The following FGF9 variants were observed in gnomAD, a reference collection of about 807,000 sequenced individuals.
FGF9 encodes fibroblast growth factor 9 (glia-activating factor).
Under a neutral mutation model 19.9 loss-of-function variants are expected in FGF9, and 3 were observed. The ratio of observed to expected loss-of-function variants is 0.15; its 90% CI spans 0.07 to 0.39. FGF9 has a LOEUF of 0.39. Ranked by LOEUF, FGF9 falls within the 10% of genes least tolerant of loss-of-function variation. The probability of loss-of-function intolerance (pLI) is 1.00; values close to 1 mark genes in which losing one functional copy is unlikely to be tolerated. For synonymous variants in FGF9, 107 were observed against 106.9 expected (o/e 1.00, Z -0.01); for missense variants, 175 against 256.8 (o/e 0.68, Z 2.18).
intron 2 of FGF9, among the ~76,000 whole-genome samples, chr13:21,685,658 G>T (rs1386364890): frequency 2.0e-5 from 3 of 152,222 alleles, no homozygotes; most frequent in African/African-American, 7.2e-5. Flanking sequence ...ACTGTGATGA[G>T]TGCAAAGCAA....
intron 2 of FGF9, among the ~76,000 whole-genome samples, 178 bp from the exon 3 acceptor site, chr13:21,701,012 T>A (rs1046897405): frequency 6.6e-6 from 1 of 152,226 alleles, no homozygotes; most frequent in African/African-American, 2.4e-5. Flanking sequence ...TTTACCTTTT[T>A]AAAAAATTTT....
In FGF9 at chr13:21,672,268, G is replaced by T; in HGVS notation, c.277+79G>T. Reference sequence around the variant, plus strand: ...ACTACCAAGAAGGTGGTGGCCGGGTGGGGGACGTGGGAAGGGTTCTCCCCT... The same window carrying T: ...ACTACCAAGAAGGTGGTGGCCGGGTTGGGGACGTGGGAAGGGTTCTCCCCT... On this transcript the variant is annotated intron_variant, in intron 1 of 2. Coordinates refer to ENST00000382353, the MANE Select transcript of FGF9 (RefSeq NM_002010.3). This position sits in a 1 kb window ranked among gnomAD's most constrained non-coding sequence, Gnocchi z 4.2. The T allele has an allele frequency of 6.6e-7, 1 of 1,510,160 alleles. No individual in the cohort carries two copies. The highest frequency in any genetic ancestry group is 1.1e-5 in the South Asian group (1 of 88,322). 93.5% of individuals were successfully genotyped at this position (1,510,160 alleles called of 1,614,324 possible).
At chr13:21,689,161 A>G (rs1872230249) in intron 2 of FGF9, among the ~76,000 whole-genome samples, 1 of 152,022 alleles carries the variant, frequency 6.6e-6, no homozygotes, top group Admixed American at 6.6e-5. Flanking sequence ...CCCACGCTGG[A>G]TTTTACTCTC....
chr13:21,700,995 ATATT>A (rs1305358499), intron 2 of FGF9, among the ~76,000 whole-genome samples, 191 bp from the exon 3 acceptor site: 1 of 152,202 alleles, frequency 6.6e-6, no homozygotes, highest in Non-Finnish European at 1.5e-5. Flanking sequence ...ATTATGCAAC[ATATT>A]TATTTACCTT....
rs1871790345 is a variant in FGF9, at chr13:21,672,389, C to G, written c.277+200C>G. ...CGGAATTGCAGATCTGCTGCTGGCA[C>G]TGATGCAAGTATACACTGAAAGGCC... On this transcript the variant is annotated intron_variant, in intron 1 of 2. Transcript: ENST00000382353. The surrounding 1 kb of genome is among the most constrained non-coding windows in gnomAD (Gnocchi z 4.2). 6.6e-6 allele frequency among the ~76,000 whole-genome samples: 1 copy of G among 152,124 alleles called. No individual in the cohort carries two copies. Among genetic ancestry groups the G allele is most frequent in the South Asian group, 2.1e-4 (1 of 4,822 alleles).
chr13:21,672,944 T>C lies in FGF9; in HGVS notation c.277+755T>C, dbSNP rs974451955. On this transcript the variant is annotated intron_variant, in intron 1 of 2. Transcript: ENST00000382353. This position sits in a 1 kb window ranked among gnomAD's most constrained non-coding sequence, Gnocchi z 4.2. ...TGAGTGTGTGCGCGCGTGCAAACGC[T>C]GCGAGCGAATTTTAAAGGGCATTCC... Among the ~76,000 whole-genome samples the C allele has an allele frequency of 1.3e-5, 2 of 152,344 alleles. No homozygotes were observed. The highest frequency in any genetic ancestry group is 2.1e-4 in the South Asian group (1 of 4,826).
chr13:21,685,195 A>AT (rs943399098), intron 2 of FGF9, among the ~76,000 whole-genome samples: 26 of 151,196 alleles, frequency 1.7e-4, no homozygotes, highest in East Asian at 3.9e-4. Context: ...TAAATTGGAG[A>AT]TTTTTTTTTT....
intron 1 of FGF9, among the ~76,000 whole-genome samples, chr13:21,676,668 A>G (rs1871923154): frequency 6.6e-6 from 1 of 152,208 alleles, no homozygotes; most frequent in Admixed American, 6.5e-5. Context: ...AGGCTTAATC[A>G]TTAATTTTCT....
intron 1 of FGF9, among the ~76,000 whole-genome samples, chr13:21,679,297 T>C (rs1414745509): frequency 1.3e-5 from 2 of 152,222 alleles, no homozygotes; most frequent in Non-Finnish European, 2.9e-5. Flanking sequence ...AAATAGCTCT[T>C]CTTTTTTACA....
intron 2 of FGF9, among the ~76,000 whole-genome samples, chr13:21,682,070 G>GTAA (rs1461899774): frequency 6.7e-6 from 1 of 150,044 alleles, no homozygotes; most frequent in Non-Finnish European, 1.5e-5. Context: ...GTGCAGTGGT[G>GTAA]TAATCATTGC....
rs1871766820 is a variant in FGF9 at position 21,671,547 on chromosome 13, C to G, written c.-366C>G. 2 of 519,520 alleles carry G rather than the reference C, an allele frequency of 3.8e-6. No individual in the cohort carries two copies. The highest frequency in any genetic ancestry group is 1.9e-5 in the African/African-American group (1 of 52,006). The allele number at this position is 519,520 out of a possible 1,614,324, so 32.2% of individuals were successfully genotyped here. A position where few individuals can be genotyped will look rare whatever the true frequency, so the allele number is the denominator to read the frequency against. On this transcript the variant is annotated 5_prime_UTR_variant, in exon 1 of 3. An upstream open reading frame in the 5' UTR gains an earlier in-frame stop. Coordinates refer to ENST00000382353, the MANE Select transcript of FGF9 (RefSeq NM_002010.3). ...TAAGTTGCTATGGTCATTCTGATCT[C>G]AAACCAAATGGAGAAACTACGGATT...
chr13:21,678,499 A>G (rs1322978983), intron 1 of FGF9, among the ~76,000 whole-genome samples: 1 of 152,216 alleles, frequency 6.6e-6, no homozygotes, highest in Non-Finnish European at 1.5e-5. Context: ...CATTTGGCAT[A>G]GACTAAATGC....
chr13:21,693,406 T>C (rs1373671642), intron 2 of FGF9, among the ~76,000 whole-genome samples: 1 of 152,040 alleles, frequency 6.6e-6, no homozygotes, highest in Non-Finnish European at 1.5e-5. Flanking sequence ...GACATGGGCA[T>C]CCGCTGTGGG....
At chr13:21,690,065 A>G (rs1351264548) in intron 2 of FGF9, among the ~76,000 whole-genome samples, 1 of 152,090 alleles carries the variant, frequency 6.6e-6, no homozygotes, top group Non-Finnish European at 1.5e-5. Context: ...AGAGCTTCCT[A>G]CTTCTCTCCA....
intron 2 of FGF9, among the ~76,000 whole-genome samples, chr13:21,684,400 T>C (rs898056467): frequency 2.6e-5 from 4 of 152,132 alleles, no homozygotes; most frequent in Non-Finnish European, 4.4e-5. Context: ...TGAACGCTCA[T>C]TGGGTTGAAC....
intron 2 of FGF9, among the ~76,000 whole-genome samples, chr13:21,682,029 G>C (rs77409499): frequency 8.6e-6 from 1 of 116,040 alleles, no homozygotes; most frequent in East Asian, 2.3e-4. Flanking sequence ...TTTTTTTTTT[G>C]AGATAGGGTA....
chr13:21,698,189 A>G (rs971294939), intron 2 of FGF9, among the ~76,000 whole-genome samples: 1 of 152,162 alleles, frequency 6.6e-6, no homozygotes, highest in Non-Finnish European at 1.5e-5. Flanking sequence ...TGGCTGTGCT[A>G]GGGCTCCTGG....
chr13:21,699,037 C>A (rs561151841), intron 2 of FGF9, among the ~76,000 whole-genome samples: 9 of 152,328 alleles, frequency 5.9e-5, no homozygotes, highest in Admixed American at 5.2e-4. Flanking sequence ...ATGTCTTTAA[C>A]ACACTTAAAC....
intron 1 of FGF9, among the ~76,000 whole-genome samples, chr13:21,675,171 G>A (rs1213496527): frequency 6.6e-6 from 1 of 151,998 alleles, no homozygotes; most frequent in East Asian, 1.9e-4. Context: ...GCGCTCTGGC[G>A]CTCCGCTGTG....
Sources: allele counts gnomAD v4.1 joint callset (sites outside exome capture counted in the v4.1 genomes callset), GRCh38; gene constraint gnomAD v4.1.1; non-coding constraint Gnocchi (gnomAD v3.1); transcripts MANE v1.5; gene names NCBI Gene and HGNC (gene_info 2026-07-23, HGNC 2026-07-21).